Variants in RBFOX1 observed in about 807,000 individuals in gnomAD.
The protein encoded by RBFOX1 is RNA binding fox-1 homolog 1.
A neutral mutation model predicts 57.7 loss-of-function variants in RBFOX1; 8 were observed. The ratio of observed to expected loss-of-function variants is 0.14; its 90% CI spans 0.08 to 0.25. RBFOX1 has a LOEUF of 0.25. Ranked by LOEUF, RBFOX1 falls within the 10% of genes least tolerant of loss-of-function variation. RBFOX1 has a pLI of 1.00. For missense variants in RBFOX1, 611 were observed against 548.5 expected (o/e 1.11, Z -1.14); for synonymous variants, 326 against 222.4 (o/e 1.47, Z -4.15).
chr16:6,142,492 AT>A (rs2096726587), intron 1 of RBFOX1, among the ~76,000 whole-genome samples: 1 of 152,056 alleles, frequency 6.6e-6, no homozygotes, highest in African/African-American at 2.4e-5. Context: ...AAGCGCTGGG[AT>A]TACAGGCGTG....
intron 2 of RBFOX1, among the ~76,000 whole-genome samples, chr16:5,502,295 C>T (rs895048686): frequency 5.9e-5 from 9 of 152,102 alleles, no homozygotes; most frequent in African/African-American, 1.9e-4. Flanking sequence ...AGAGATGGTC[C>T]TCCCGTCCCT....
At chr16:7,033,905 G>A (rs2043496741) in intron 3 of RBFOX1, among the ~76,000 whole-genome samples, 3 of 152,226 alleles carry the variant, frequency 2.0e-5, no homozygotes, top group Admixed American at 1.3e-4. Context: ...GGAAGTTCAA[G>A]CTGCAGTGAG....
chr16:5,478,121 T>G (rs1304415893), intron 2 of RBFOX1, among the ~76,000 whole-genome samples: 1 of 152,176 alleles, frequency 6.6e-6, no homozygotes. Flanking sequence ...AGCCAAACAT[T>G]CCCTGATTCC....
intron 3 of RBFOX1, among the ~76,000 whole-genome samples, chr16:6,923,402 G>C (rs960602238): frequency 1.3e-5 from 2 of 152,098 alleles, no homozygotes; most frequent in Non-Finnish European, 2.9e-5. Flanking sequence ...GCATGGTGGG[G>C]AACACTTGTA....
At chr16:5,581,851 G>T (rs1396470528) in intron 2 of RBFOX1, among the ~76,000 whole-genome samples, 2 of 152,304 alleles carry the variant, frequency 1.3e-5, no homozygotes, top group East Asian at 3.9e-4. Flanking sequence ...ATTATCTAGG[G>T]ACAAAGAGAG....
rs1567983875 is a variant in RBFOX1 at position 6,637,103 on chromosome 16, AT to A, written c.-63-17499del. Among the ~76,000 whole-genome samples the A allele has an allele frequency of 8.1e-3, 616 of 76,076 alleles. 78 individuals carry two copies. Among genetic ancestry groups the A allele is most frequent in the Non-Finnish European group, 0.012 (521 of 42,948 alleles). The allele number at this position is 76,076 out of a possible 152,430, so 49.9% of individuals were successfully genotyped here. A position where few individuals can be genotyped will look rare whatever the true frequency, so the allele number is the denominator to read the frequency against. On this transcript the variant is annotated intron_variant, in intron 2 of 15. Transcript: ENST00000550418. ...TATATATAATACATATTAAATATAT[AT>A]ATTATATAATATATAAATTTATATT... is the stretch of plus-strand genomic sequence containing the variant.
intron 3 of RBFOX1, among the ~76,000 whole-genome samples, chr16:7,046,944 T>G (rs2048181028): frequency 6.6e-6 from 1 of 151,920 alleles, no homozygotes; most frequent in Non-Finnish European, 1.5e-5. Flanking sequence ...ATCCATAAAT[T>G]AAAAAGCTCT....
intron 2 of RBFOX1, among the ~76,000 whole-genome samples, chr16:5,500,835 G>A (rs191175747): frequency 1.3e-5 from 2 of 152,230 alleles, no homozygotes; most frequent in East Asian, 1.9e-4. Flanking sequence ...CTATACTTAC[G>A]AATTGCCTTT....
chr16:5,438,753 T>G (rs2067993716), intron 1 of RBFOX1, among the ~76,000 whole-genome samples: 1 of 152,100 alleles, frequency 6.6e-6, no homozygotes, highest in African/African-American at 2.4e-5. Context: ...GGCCTGTGAG[T>G]ATTTGTGACT....
chr16:5,709,944 C>T (rs2051423157), intron 3 of RBFOX1, among the ~76,000 whole-genome samples: 1 of 142,870 alleles, frequency 7.0e-6, no homozygotes, highest in Non-Finnish European at 1.5e-5. Flanking sequence ...TTCAGATGAG[C>T]ACCTGAGAGA....
chr16:7,287,589 A>G (rs1276736145), intron 4 of RBFOX1, among the ~76,000 whole-genome samples: 2 of 152,222 alleles, frequency 1.3e-5, no homozygotes, highest in Non-Finnish European at 2.9e-5. Context: ...GGAAGAAGAT[A>G]AAACCTTTTA....
At chr16:6,969,647 G>C (rs1258778300) in intron 3 of RBFOX1, among the ~76,000 whole-genome samples, 1 of 152,170 alleles carries the variant, frequency 6.6e-6, no homozygotes, top group Non-Finnish European at 1.5e-5. Context: ...GGGAGGCTGA[G>C]GTGGGAGGAT....
chr16:5,614,135 C>G (rs756074498), intron 3 of RBFOX1, among the ~76,000 whole-genome samples: 4 of 152,148 alleles, frequency 2.6e-5, no homozygotes, highest in African/African-American at 9.7e-5. Context: ...TAGACTCCCT[C>G]TAGGTTGGGA....
chr16:6,725,090 G>A lies in RBFOX1; in HGVS notation c.-16+70440G>A, dbSNP rs180842748. On this transcript the variant is annotated intron_variant, in intron 3 of 15. Coordinates refer to ENST00000550418, the MANE Select transcript of RBFOX1 (RefSeq NM_018723.4). ...TTTTGAGACAAAGTCTTGCTCTGTCGCCCTTGCTGGAGTGCAGTGGTGCGA... is the reference window on the plus strand; with the variant it reads ...TTTTGAGACAAAGTCTTGCTCTGTCACCCTTGCTGGAGTGCAGTGGTGCGA... Among the ~76,000 whole-genome samples, 583 of 120,054 alleles carry A rather than the reference G, an allele frequency of 4.9e-3. 2 individuals carry two copies. Among genetic ancestry groups the A allele is most frequent in the Admixed American group, 0.012 (102 of 8,294 alleles). 78.8% of individuals were successfully genotyped at this position (120,054 alleles called of 152,430 possible). A position where few individuals can be genotyped will look rare whatever the true frequency, so the allele number is the denominator to read the frequency against.
At chr16:6,675,354 C>G (rs927830077) in intron 3 of RBFOX1, among the ~76,000 whole-genome samples, 5 of 152,154 alleles carry the variant, frequency 3.3e-5, no homozygotes, top group African/African-American at 9.7e-5. Context: ...AGAAGTGTAT[C>G]TGTCCCAATT....
At chr16:6,640,196 A>G (rs180870528) in intron 2 of RBFOX1, among the ~76,000 whole-genome samples, 2 of 152,302 alleles carry the variant, frequency 1.3e-5, no homozygotes, top group East Asian at 3.9e-4. Context: ...TTTCTCTCAA[A>G]TATTATGGTG....
At chr16:7,410,953 A>T (rs1414460706) in intron 4 of RBFOX1, among the ~76,000 whole-genome samples, 1 of 151,380 alleles carries the variant, frequency 6.6e-6, no homozygotes, top group African/African-American at 2.4e-5. Flanking sequence ...TTATTTATTT[A>T]TTTATTTTTC....
intron 3 of RBFOX1, among the ~76,000 whole-genome samples, chr16:6,784,895 A>G (rs1207220322): frequency 2.6e-5 from 4 of 152,120 alleles, no homozygotes; most frequent in African/African-American, 9.7e-5. Context: ...GGCTGGAGTT[A>G]TTGTCACCAA....
chr16:5,914,603 AAAAG>A (rs1371010426), intron 4 of RBFOX1, among the ~76,000 whole-genome samples: 1 of 152,146 alleles, frequency 6.6e-6, no homozygotes, highest in African/African-American at 2.4e-5. Context: ...CAAAAGAAAA[AAAAG>A]GGAGAGAGGC....
Sources: allele counts gnomAD v4.1 joint callset (sites outside exome capture counted in the v4.1 genomes callset), GRCh38; gene constraint gnomAD v4.1.1; transcripts MANE v1.5; gene names NCBI Gene and HGNC (gene_info 2026-07-23, HGNC 2026-07-21).